Variants in MED24 observed in about 807,000 individuals in gnomAD.
MED24 encodes the protein mediator of RNA polymerase II transcription subunit 24.
In MED24, 74 loss-of-function variants were observed where a neutral mutation model predicts 118.8. That is an observed-to-expected ratio of 0.62 (90% confidence interval 0.52 to 0.76). MED24 has a LOEUF of 0.76. Among genes scored for constraint, MED24 ranks in the 30% least tolerant of loss-of-function variants. The pLI, the probability that MED24 is intolerant of heterozygous loss-of-function variation, is 0.00. For missense variants in MED24, 1,041 were observed against 1,278.9 expected, an observed-to-expected ratio of 0.81 and a Z score of 2.84; for synonymous variants, 521 against 523.9, an observed-to-expected ratio of 0.99 and a Z score of 0.08.
chr17:40,033,845 C>T lies in MED24; in HGVS notation c.560-389G>A. ...CAAAGTCCAGTCTTGCAGAGGCTGT[C>T]ACTCTCCTCTGGGGGAACTGGGTCC... On this transcript the variant is annotated intron_variant, in intron 6 of 25. Coordinates refer to ENST00000394128, the MANE Select transcript of MED24 (RefSeq NM_014815.4). The surrounding 1 kb of genome is among the most constrained non-coding windows in gnomAD (Gnocchi z 5.2). 1 of 442,614 alleles carries T rather than the reference C, an allele frequency of 2.3e-6. No homozygotes were observed. The highest frequency in any genetic ancestry group is 4.5e-6 in the Non-Finnish European group (1 of 219,962). The allele number at this position is 442,614 out of a possible 1,614,324, so 27.4% of individuals were successfully genotyped here. A position where few individuals can be genotyped will look rare whatever the true frequency, so the allele number is the denominator to read the frequency against.
intron 13 of MED24, 71 bp from the exon 14 acceptor site, chr17:40,029,039 CA>C: frequency 6.3e-7 from 1 of 1,590,442 alleles, no homozygotes; most frequent in Non-Finnish European, 8.6e-7. Context: ...AGCCTAGCCA[CA>C]TTTTCTCTCT....
chr17:40,035,580 CACAGGTA>C, intron 5 of MED24, 135 bp downstream of exon 5: 1 of 934,558 alleles, frequency 1.1e-6, no homozygotes, highest in Non-Finnish European at 1.6e-6. Flanking sequence ...AAAAGGAGGG[CACAGGTA>C]AGTGTAGATG....
chr17:40,020,391 T>C (rs762846873), intron 23 of MED24, 38 bp from the exon 24 acceptor site: 12 of 1,565,286 alleles, frequency 7.7e-6, no homozygotes, highest in Middle Eastern at 1.7e-4. Flanking sequence ...GGAAACAGCC[T>C]GCCGAGTGCA....
At chr17:40,026,768 A>G in intron 17 of MED24, 22 bp from the exon 18 acceptor site, 1 of 1,610,840 alleles carries the variant, frequency 6.2e-7, no homozygotes, top group Non-Finnish European at 8.5e-7. Flanking sequence ...CAGAGAAGTC[A>G]GCACAGGGGA....
chr17:40,033,493 A>G lies in MED24; in HGVS notation c.560-37T>C. On this transcript the variant is annotated intron_variant, in intron 6 of 25. Coordinates refer to ENST00000394128, the MANE Select transcript of MED24 (RefSeq NM_014815.4). This position sits in a 1 kb window ranked among gnomAD's most constrained non-coding sequence, Gnocchi z 5.2. ...AAGGAAGTACAGAAACATGATGGGA[A>G]ACAGGAGAGAAGGAGCACCTGGCCC... 1 of 1,517,464 alleles carries G rather than the reference A, an allele frequency of 6.6e-7. No homozygotes were observed. Among genetic ancestry groups the G allele is most frequent in the Non-Finnish European group, 9.0e-7 (1 of 1,115,954 alleles). The allele number at this position is 1,517,464 out of a possible 1,614,324, so 94.0% of individuals were successfully genotyped here.
Position 40,028,910 on chromosome 17 carries a change from A to G in MED24, c.1325T>C (p.Met442Thr). 6.2e-7 allele frequency: 1 copy of G among 1,614,188 alleles called. No homozygotes were observed. ...PEGLLGVLGH[M>T]LSGKSLDLLL... Reference sequence around the variant, plus strand: ...CAAGTCCAGACTCTTCCCGGACAGCATGTGGCCCAGGACTCCCAGCAGTCC... The same window carrying G: ...CAAGTCCAGACTCTTCCCGGACAGCGTGTGGCCCAGGACTCCCAGCAGTCC... The change falls in exon 14 of 26, where the codon ATG becomes ACG. Residue 442 changes from methionine (M) to threonine (T), a missense_variant. Coordinates refer to ENST00000394128, the MANE Select transcript of MED24 (RefSeq NM_014815.4).
At chr17:40,036,908 G>A (rs1984007065) in intron 3 of MED24, among the ~76,000 whole-genome samples, 1 of 152,170 alleles carries the variant, frequency 6.6e-6, no homozygotes, top group Non-Finnish European at 1.5e-5. Flanking sequence ...GAGTGGCTGG[G>A]CGTGGTGGCT....
intron 12 of MED24, among the ~76,000 whole-genome samples, chr17:40,030,666 A>ATTTTTT (rs34021774): frequency 3.9e-5 from 5 of 129,814 alleles, no homozygotes; most frequent in African/African-American, 1.4e-4. Context: ...TTATTTATTT[A>ATTTTTT]TTTTTTTTTT....
chr17:40,019,527 C>T lies in MED24; in HGVS notation c.*2G>A. On this transcript the variant is annotated 3_prime_UTR_variant, in exon 26 of 26. Transcript: ENST00000394128. The stretch of plus-strand genomic sequence containing the variant: ...GCCCCCACTGCGGCCATGCCAAGCC[C>T]CTCAGAGTGCAGCAATGGCTTTAGC... 1 of 1,611,402 alleles carries T rather than the reference C, an allele frequency of 6.2e-7. No homozygotes were observed. Among genetic ancestry groups the T allele is most frequent in the Non-Finnish European group, 8.5e-7 (1 of 1,179,470 alleles).
In MED24 at chr17:40,035,250, C is replaced by A; in HGVS notation, c.426G>T (p.Leu142=). 6.2e-7 allele frequency: 1 copy of A among 1,613,986 alleles called. No homozygotes were observed. The highest frequency in any genetic ancestry group is 8.5e-7 in the Non-Finnish European group (1 of 1,180,006). The change falls in exon 6 of 26, where the codon CTG becomes CTT. Residue 142 remains leucine (L), a synonymous_variant. Transcript: ENST00000394128. The part of the protein sequence containing the change: ...LRCTAASAER[L]REGLEAGTPA... ...GAGTGCCGGCCTCCAGCCCCTCCCG[C>A]AGCCGCTCTGCAGAGGCTGCCGTGC...
intron 24 of MED24, 117 bp from the exon 25 acceptor site, chr17:40,020,050 A>T: frequency 7.7e-7 from 1 of 1,292,822 alleles, no homozygotes; most frequent in Non-Finnish European, 1.1e-6. Flanking sequence ...CATGTCCCCA[A>T]AATGGGGTGT....
intron 1 of MED24, 143 bp from the exon 2 acceptor site, chr17:40,053,778 TA>T (rs779891175): frequency 9.3e-7 from 1 of 1,071,710 alleles, no homozygotes; most frequent in Non-Finnish European, 1.3e-6. Flanking sequence ...GCTAAAGGGA[TA>T]AAGTAAGATC....
At chr17:40,035,962 T>C (rs561980340) in intron 4 of MED24, 154 bp downstream of exon 4, 723 of 1,099,758 alleles carry the variant, frequency 6.6e-4, no homozygotes, top group Admixed American at 1.1e-3. Flanking sequence ...AGCCCCTACT[T>C]GCCAGGATCC....
At chr17:40,031,867 T>C (rs537898565) in intron 10 of MED24, among the ~76,000 whole-genome samples, 176 bp downstream of exon 10, 3 of 146,080 alleles carry the variant, frequency 2.1e-5, no homozygotes, top group South Asian at 4.2e-4. Flanking sequence ...CACACGCACA[T>C]GCTGAAGCAC....
intron 3 of MED24, among the ~76,000 whole-genome samples, chr17:40,043,926 C>CGA (rs1486875214): frequency 2.0e-4 from 28 of 137,488 alleles, no homozygotes; most frequent in African/African-American, 7.3e-4. Context: ...ATATTAGGTT[C>CGA]GAGACCCGCC....
intron 5 of MED24, 23 bp from the exon 6 acceptor site, chr17:40,035,372 A>T: frequency 1.9e-6 from 3 of 1,555,462 alleles, no homozygotes; most frequent in Non-Finnish European, 2.6e-6. Context: ...ATGCAAAATC[A>T]GACTCTGTTC....
chr17:40,026,191 C>T lies in MED24; in HGVS notation c.1950G>A (p.Leu650=). 1 of 1,614,260 alleles carries T rather than the reference C, an allele frequency of 6.2e-7. No homozygotes were observed. Among genetic ancestry groups the T allele is most frequent in the Non-Finnish European group, 8.5e-7 (1 of 1,180,048 alleles). Reference sequence around the variant, plus strand: ...AGAACTGCAGGGTGTTCTCACTAAACAGTGGCCCTGCCAGCTGGCGGATCA... The same window carrying T: ...AGAACTGCAGGGTGTTCTCACTAAATAGTGGCCCTGCCAGCTGGCGGATCA... ...LQMIRQLAGP[L]FSENTLQFYN... is the part of the protein sequence containing the mutation. The change falls in exon 19 of 26, where the codon CTG becomes CTA. Residue 650 remains leucine (L), a synonymous_variant. Coordinates refer to ENST00000394128, the MANE Select transcript of MED24 (RefSeq NM_014815.4).
intron 18 of MED24, 132 bp from the exon 19 acceptor site, chr17:40,026,463 A>C: frequency 1.6e-6 from 2 of 1,256,724 alleles, no homozygotes; most frequent in Non-Finnish European, 1.1e-6. Context: ...TCTCTCCACA[A>C]GTTTGATCTT....
At chr17:40,028,027 G>C (rs893125280) in intron 14 of MED24, 81 bp from the exon 15 acceptor site, 11 of 1,384,942 alleles carry the variant, frequency 7.9e-6, no homozygotes, top group Non-Finnish European at 1.0e-5. Flanking sequence ...CATGTTCAGA[G>C]AGCGATAGCT....
Sources: gnomAD v4.1 joint callset for allele counts (sites outside exome capture counted in the v4.1 genomes callset) on GRCh38, gnomAD v4.1.1 for gene constraint, Gnocchi (gnomAD v3.1) non-coding constraint, MANE v1.5 for transcripts, NCBI Gene and HGNC (gene_info 2026-07-23, HGNC 2026-07-21) for gene names.